ARMC6: variants seen among roughly 807,000 people sequenced by gnomAD.
ARMC6 encodes the protein armadillo repeat containing 6.
A neutral mutation model predicts 49.2 loss-of-function variants in ARMC6; 43 were observed. The ratio of observed to expected loss-of-function variants is 0.87; its 90% confidence interval spans 0.69 to 1.13. ARMC6 has a LOEUF of 1.13. Among genes scored for constraint, ARMC6 ranks in the 50% most tolerant of loss-of-function variants. The pLI, the probability that ARMC6 is intolerant of heterozygous loss-of-function variation, is 0.00. For missense variants in ARMC6, 627 were observed against 682.0 expected, an observed-to-expected ratio of 0.92 and a Z score of 0.90; for synonymous variants, 262 against 289.6, an observed-to-expected ratio of 0.90 and a Z score of 0.97.
chr19:19,040,173 A>G (rs1404528500), intron 2 of ARMC6, among the ~76,000 whole-genome samples: 2 of 152,104 alleles, frequency 1.3e-5, no homozygotes, highest in Non-Finnish European at 2.9e-5. Flanking sequence ...TCACAGGTGC[A>G]TTTTGTTCTT....
intron 4 of ARMC6, among the ~76,000 whole-genome samples, chr19:19,044,617 G>T (rs750808713): frequency 6.6e-6 from 1 of 152,236 alleles, no homozygotes; most frequent in African/African-American, 2.4e-5. Context: ...CCGTAAGGTC[G>T]CCCATCAAAC....
intron 2 of ARMC6, among the ~76,000 whole-genome samples, chr19:19,034,986 C>T (rs150383961): frequency 0.023 from 3,497 of 152,076 alleles, 131 homozygotes; most frequent in African/African-American, 0.08. Flanking sequence ...CTCAGCCTCC[C>T]GAGTAGCTGG....
At chr19:19,035,177 T>G (rs1279681710) in intron 2 of ARMC6, among the ~76,000 whole-genome samples, 2 of 152,196 alleles carry the variant, frequency 1.3e-5, no homozygotes, top group Admixed American at 6.5e-5. Context: ...GCTAATTTTT[T>G]GTATTTTCAG....
In ARMC6 at chr19:19,042,643, A is replaced by G. The variant is rs1160427694; in HGVS notation, c.30-68A>G. The G allele has an allele frequency of 2.5e-6, 4 of 1,569,358 alleles. No homozygotes were observed. In the African/African-American group the frequency reaches 5.4e-5, roughly 21 times the overall value. ...TAGATGCTTCCTAAGTGGCGTTTTC[A>G]AGGTGGCCAGGCCCTGCCATTGCCT... On this transcript the variant is annotated intron_variant, in intron 2 of 8. Coordinates refer to ENST00000535612, the MANE Select transcript of ARMC6 (RefSeq NM_001199196.2).
chr19:19,039,341 TGTC>T (rs751140289), intron 2 of ARMC6: 1 of 453,936 alleles, frequency 2.2e-6, no homozygotes, highest in South Asian at 1.6e-5. Context: ...CTTACTATGT[TGTC>T]CTTGCTGGTC....
chr19:19,034,299 A>G (rs758614471), intron 2 of ARMC6, 61 bp downstream of exon 2: 64 of 1,566,800 alleles, frequency 4.1e-5, no homozygotes, highest in South Asian at 3.5e-5. Context: ...CTCTTTATCT[A>G]GAAGTGGTTT....
chr19:19,055,701 A>G lies in ARMC6; in HGVS notation c.1156-90A>G, dbSNP rs1396643044. The G allele has an allele frequency of 2.0e-6, 3 of 1,486,446 alleles. No homozygotes were observed. The highest frequency in any genetic ancestry group is 2.3e-5 in the East Asian group (1 of 43,242). 92.1% of individuals were successfully genotyped at this position (1,486,446 alleles called of 1,614,324 possible). On this transcript the variant is annotated intron_variant, in intron 7 of 8. Transcript: ENST00000535612. This position sits in a 1 kb window ranked among gnomAD's most constrained non-coding sequence, Gnocchi z 5.7. ...CAGAGACCCACGGAGGGGAGGCCGC[A>G]GGGTGTTCACCAGGGGTTGGTGGCC... is the stretch of plus-strand genomic sequence containing the variant.
chr19:19,055,876 C>T lies in ARMC6; in HGVS notation c.1241C>T (p.Ala414Val). 6.2e-7 allele frequency: 1 copy of T among 1,612,890 alleles called. No homozygotes were observed. The highest frequency in any genetic ancestry group is 8.5e-7 in the Non-Finnish European group (1 of 1,179,564). ...NSRIIVEGGG[A>V]VAALQAMKAH... ...CGCATCATCGTGGAGGGTGGCGGGG[C>T]TGTGGCAGCACTGCAGGCCATGAAG... The change falls in exon 8 of 9, where the codon GCT (alanine) becomes GTT (valine). Residue 414 changes from alanine (A) to valine (V), a missense_variant. Ala to Val is a moderately conservative substitution (Grantham distance 64). Transcript: ENST00000535612. The surrounding 1 kb of genome is among the most constrained non-coding windows in gnomAD (Gnocchi z 5.7).
At chr19:19,057,273 T>G in intron 8 of ARMC6, 143 bp from the exon 9 acceptor site, 1 of 671,950 alleles carries the variant, frequency 1.5e-6, no homozygotes, top group East Asian at 2.7e-5. Context: ...GAGAGATGGG[T>G]CTAGCTTGAT....
intron 5 of ARMC6, 121 bp from the exon 6 acceptor site, chr19:19,054,031 C>T (rs568968897): frequency 7.8e-5 from 79 of 1,007,954 alleles, no homozygotes; most frequent in African/African-American, 5.1e-4. Flanking sequence ...TCCTGGTGCC[C>T]GTGGCCACTC....
In ARMC6 at chr19:19,057,915, G is replaced by T; in HGVS notation, c.*287G>T. The T allele has an allele frequency of 1.9e-6, 1 of 539,114 alleles. No homozygotes were observed. Among genetic ancestry groups the T allele is most frequent in the South Asian group, 1.9e-5 (1 of 53,020 alleles). The allele number at this position is 539,114 out of a possible 1,614,324, so 33.4% of individuals were successfully genotyped here. A position where few individuals can be genotyped will look rare whatever the true frequency, so the allele number is the denominator to read the frequency against. On this transcript the variant is annotated 3_prime_UTR_variant, in exon 9 of 9. Coordinates refer to ENST00000535612, the MANE Select transcript of ARMC6 (RefSeq NM_001199196.2). ...CCCACGCCCTACCAGAGGGGGCAAA[G>T]GGCACGTCCCATCACTCACTGCCCT...
At chr19:19,054,984 G>A (rs1425062650) in intron 6 of ARMC6, among the ~76,000 whole-genome samples, 1 of 152,160 alleles carries the variant, frequency 6.6e-6, no homozygotes, top group African/African-American at 2.4e-5. Flanking sequence ...GCCTACCCTG[G>A]GTCTGTGGCC....
intron 4 of ARMC6, among the ~76,000 whole-genome samples, chr19:19,048,692 G>A (rs1295521157): frequency 2.0e-5 from 3 of 152,264 alleles, no homozygotes; most frequent in South Asian, 2.1e-4. Context: ...ACTTAAAAAG[G>A]TGCCAGACTC....
chr19:19,051,375 C>CTCTGTG lies in ARMC6; in HGVS notation c.280-246_280-245insCTGTGT, dbSNP rs372606082. Among the ~76,000 whole-genome samples, 452 of 139,748 alleles carry CTCTGTG rather than the reference C, an allele frequency of 3.2e-3. 2 individuals carry two copies. The highest frequency in any genetic ancestry group is 0.012 in the African/African-American group (424 of 35,778). The allele number at this position is 139,748 out of a possible 152,430, so 91.7% of individuals were successfully genotyped here. On this transcript the variant is annotated intron_variant, in intron 4 of 8. Transcript: ENST00000535612. ...GTTGTCTGGATCTCTCTCTCTCTCT[C>CTCTGTG]TGTGTGTGTGTGTGTGTGTGTGTGT...
At chr19:19,047,820 A>G (rs1168310887) in intron 4 of ARMC6, among the ~76,000 whole-genome samples, 1 of 152,174 alleles carries the variant, frequency 6.6e-6, no homozygotes, top group Non-Finnish European at 1.5e-5. Context: ...TTTTAGGGAG[A>G]CATGAGATAT....
intron 5 of ARMC6, 93 bp from the exon 6 acceptor site, chr19:19,054,059 G>A: frequency 2.2e-6 from 3 of 1,333,608 alleles, no homozygotes; most frequent in African/African-American, 1.5e-5. Context: ...CAGAAGGGCT[G>A]GACTCTTCCA....
intron 4 of ARMC6, among the ~76,000 whole-genome samples, chr19:19,050,003 G>A (rs2059482983): frequency 1.3e-5 from 2 of 152,078 alleles, no homozygotes; most frequent in Non-Finnish European, 2.9e-5. Context: ...CAGCCTGGGT[G>A]ACAGAGGAAG....
intron 5 of ARMC6, among the ~76,000 whole-genome samples, chr19:19,053,718 G>A (rs946187392): frequency 9.9e-5 from 15 of 152,080 alleles, no homozygotes; most frequent in African/African-American, 2.4e-4. Context: ...CTCCATCTGC[G>A]GCTCCTGTGT....
chr19:19,057,516 G>C lies in ARMC6; in HGVS notation c.1394G>C (p.Arg465Pro). Residue 465 changes from arginine to proline, a missense_variant, in exon 9 of 9, where the codon CGA (arginine) becomes CCA (proline). Physicochemically the swap from Arg to Pro is moderately radical, Grantham distance 103. Transcript: ENST00000535612. ...LGAEALIMQA[R>P]SAHRDCEDVA... The stretch of plus-strand genomic sequence containing the variant: ...GCTGAGGCACTCATCATGCAGGCCC[G>C]ATCTGCCCACCGTGACTGTGAGGAC... 2 of 1,613,958 alleles carry C rather than the reference G, an allele frequency of 1.2e-6. No homozygotes were observed. The highest frequency in any genetic ancestry group is 1.7e-6 in the Non-Finnish European group (2 of 1,180,012).
Sources: gnomAD v4.1 joint callset for allele counts (sites outside exome capture counted in the v4.1 genomes callset) on GRCh38, gnomAD v4.1.1 for gene constraint, Gnocchi (gnomAD v3.1) non-coding constraint, MANE v1.5 for transcripts, NCBI Gene and HGNC (gene_info 2026-07-23, HGNC 2026-07-21) for gene names.